Variants in ARHGAP44 observed in about 807,000 individuals in gnomAD.
The protein encoded by ARHGAP44 is Rho GTPase activating protein 44.
In ARHGAP44, 43 loss-of-function variants were observed where a neutral mutation model predicts 106.8. That is an observed-to-expected ratio of 0.40 (90% CI 0.32 to 0.52). ARHGAP44 has a LOEUF of 0.52. Among genes scored for constraint, ARHGAP44 ranks in the 20% least tolerant of loss-of-function variants. The pLI is 0.48. For missense variants in ARHGAP44, 866 were observed against 1,050.5 expected, an observed-to-expected ratio of 0.82 and a Z score of 2.43; for synonymous variants, 439 against 410.3, an observed-to-expected ratio of 1.07 and a Z score of -0.85.
chr17:12,853,515 G>A (rs2035822603), intron 1 of ARHGAP44, among the ~76,000 whole-genome samples: 1 of 152,164 alleles, frequency 6.6e-6, no homozygotes, highest in African/African-American at 2.4e-5. Context: ...TGCAAGAAAG[G>A]TTTGGCAGTC....
At chr17:12,790,160 C>T in intron 1 of ARHGAP44, 1 of 442,980 alleles carries the variant, frequency 2.3e-6, no homozygotes, top group Non-Finnish European at 4.0e-6. Context: ...CCCGGCTGCC[C>T]CTTCGCTTCG....
At chr17:12,836,510 T>G (rs2071813825) in intron 1 of ARHGAP44, among the ~76,000 whole-genome samples, 1 of 151,476 alleles carries the variant, frequency 6.6e-6, no homozygotes, top group South Asian at 2.1e-4. Flanking sequence ...TGGCCGGGCA[T>G]GGTGGCACAT....
At chr17:12,828,621 G>GAT (rs1837598876) in intron 1 of ARHGAP44, among the ~76,000 whole-genome samples, 1 of 138,660 alleles carries the variant, frequency 7.2e-6, no homozygotes, top group Non-Finnish European at 1.5e-5. Flanking sequence ...TTTTCTTTTG[G>GAT]ATTTTTTTTT....
chr17:12,963,197 GTCCTCC>G (rs1263933623), intron 16 of ARHGAP44, among the ~76,000 whole-genome samples: 1 of 152,042 alleles, frequency 6.6e-6, no homozygotes, highest in Non-Finnish European at 1.5e-5. Flanking sequence ...TGCTTTGCTT[GTCCTCC>G]CAGGGAGTGT....
intron 7 of ARHGAP44, among the ~76,000 whole-genome samples, chr17:12,934,700 T>C (rs1162490366): frequency 8.2e-5 from 1 of 12,152 alleles, no homozygotes; most frequent in Non-Finnish European, 1.5e-4. Context: ...AAATTATTCT[T>C]AGGATACTAT....
chr17:12,886,632 T>G (rs1478267668), intron 1 of ARHGAP44, among the ~76,000 whole-genome samples: 1 of 152,202 alleles, frequency 6.6e-6, no homozygotes, highest in Non-Finnish European at 1.5e-5. Flanking sequence ...AATTTATTTT[T>G]GTATGTTTAT....
chr17:12,798,247 G>A (rs75515264), intron 1 of ARHGAP44, among the ~76,000 whole-genome samples: 6,678 of 152,128 alleles, frequency 0.044, 272 homozygotes, highest in East Asian at 0.18. Context: ...AAATATCATG[G>A]CAATATGTGG....
intron 1 of ARHGAP44, among the ~76,000 whole-genome samples, chr17:12,840,727 C>T (rs1441208110): frequency 6.6e-6 from 1 of 152,080 alleles, no homozygotes; most frequent in Non-Finnish European, 1.5e-5. Context: ...CTCAAGGTGC[C>T]CCATGTAAAG....
chr17:12,975,520 C>T (rs12601449), intron 18 of ARHGAP44, among the ~76,000 whole-genome samples: 21,023 of 151,872 alleles, frequency 0.14, 3,301 homozygotes, highest in East Asian at 0.56. Context: ...AAAAGATGGC[C>T]GGGCACGGTG....
At chr17:12,856,624 C>T (rs189079077) in intron 1 of ARHGAP44, among the ~76,000 whole-genome samples, 53 of 152,130 alleles carry the variant, frequency 3.5e-4, no homozygotes, top group African/African-American at 1.3e-3. Flanking sequence ...TTATAACATA[C>T]GGGTTATGAA....
chr17:12,923,910 C>T (rs1291920101), intron 6 of ARHGAP44, among the ~76,000 whole-genome samples: 1 of 152,206 alleles, frequency 6.6e-6, no homozygotes, highest in Non-Finnish European at 1.5e-5. Flanking sequence ...ACCAGCTCCT[C>T]TTCTGGAACA....
intron 1 of ARHGAP44, chr17:12,790,663 G>A (rs980915533): frequency 1.3e-5 from 2 of 152,902 alleles, no homozygotes; most frequent in African/African-American, 4.8e-5. Context: ...GAAGCTGCAA[G>A]ACCCCGCCTG....
At chr17:12,955,185 A>G (rs2039097445) in intron 13 of ARHGAP44, among the ~76,000 whole-genome samples, 1 of 152,216 alleles carries the variant, frequency 6.6e-6, no homozygotes, top group African/African-American at 2.4e-5. Flanking sequence ...GGATGTCCCA[A>G]CACTTCATTC....
intron 1 of ARHGAP44, among the ~76,000 whole-genome samples, chr17:12,855,963 C>T (rs1024560941): frequency 3.9e-5 from 6 of 152,208 alleles, no homozygotes; most frequent in South Asian, 2.1e-4. Context: ...GGCAAAACAA[C>T]ACAAAACCCT....
intron 1 of ARHGAP44, 99 bp downstream of exon 1, chr17:12,789,990 G>A: frequency 8.4e-7 from 1 of 1,196,040 alleles, no homozygotes; most frequent in Non-Finnish European, 1.1e-6. Context: ...AGTCCTCCTT[G>A]CCTCAGTCCT....
At chr17:12,920,466 G>A (rs9915441) in intron 6 of ARHGAP44, among the ~76,000 whole-genome samples, 38,471 of 151,422 alleles carry the variant, frequency 0.25, 8,991 homozygotes, top group African/African-American at 0.61. Flanking sequence ...AAGAGAAAAA[G>A]CTTTTTTGAG....
intron 1 of ARHGAP44, among the ~76,000 whole-genome samples, chr17:12,817,776 T>G (rs1177326796): frequency 6.6e-6 from 1 of 152,038 alleles, no homozygotes; most frequent in Non-Finnish European, 1.5e-5. Flanking sequence ...GAGTAAAATA[T>G]ACCAACTCCT....
intron 1 of ARHGAP44, among the ~76,000 whole-genome samples, chr17:12,803,826 A>G (rs1264105580): frequency 6.6e-6 from 1 of 152,110 alleles, no homozygotes; most frequent in Non-Finnish European, 1.5e-5. Flanking sequence ...AAAAAATCCT[A>G]GCACTGTTGG....
intron 1 of ARHGAP44, among the ~76,000 whole-genome samples, chr17:12,870,066 TGAG>T (rs1567659539): frequency 9.0e-5 from 13 of 144,048 alleles, no homozygotes; most frequent in Middle Eastern, 3.6e-3. Flanking sequence ...TTTTTTTTTT[TGAG>T]ATAGAGTCTT....
Sources: allele counts gnomAD v4.1 joint callset (sites outside exome capture counted in the v4.1 genomes callset), GRCh38; gene constraint gnomAD v4.1.1; transcripts MANE v1.5; gene names NCBI Gene and HGNC (gene_info 2026-07-23, HGNC 2026-07-21).